The following ARB2A variants were observed in gnomAD, a reference collection of about 807,000 sequenced individuals.
ARB2A encodes the protein ARB2 cotranscriptional regulator A.
chr5:93,846,071 TTG>T, the ARB2A span, among the ~76,000 whole-genome samples: 48 of 151,678 alleles, frequency 3.2e-4, no homozygotes, highest in African/African-American at 1.1e-3. Flanking sequence ...TTAATTAGCT[TTG>T]TGACTTTGAC....
the ARB2A span, among the ~76,000 whole-genome samples, chr5:94,027,773 C>G: frequency 2.0e-5 from 3 of 152,164 alleles, no homozygotes; most frequent in African/African-American, 7.2e-5. Context: ...GTGAGCCACT[C>G]TAGCAAATTA....
chr5:93,877,641 CA>C, the ARB2A span, among the ~76,000 whole-genome samples: 2 of 151,902 alleles, frequency 1.3e-5, no homozygotes, highest in Admixed American at 1.3e-4. Flanking sequence ...AATTATTAGA[CA>C]AAAATACAAG....
chr5:93,741,500 T>C, the ARB2A span: 1 of 1,611,762 alleles, frequency 6.2e-7, no homozygotes, highest in African/African-American at 1.3e-5. Flanking sequence ...ATCGGCCCTC[T>C]GGGGCCGCCC....
At chr5:93,804,099 A>G in the ARB2A span, among the ~76,000 whole-genome samples, 1 of 152,048 alleles carries the variant, frequency 6.6e-6, no homozygotes, top group South Asian at 2.1e-4. Flanking sequence ...ATATGTACAC[A>G]GACACCATAC....
the ARB2A span, among the ~76,000 whole-genome samples, chr5:93,820,397 G>A: frequency 6.6e-6 from 1 of 152,140 alleles, no homozygotes; most frequent in South Asian, 2.1e-4. Flanking sequence ...CAATAAAAGT[G>A]ATGAAATCAC....
At chr5:93,979,600 G>T in the ARB2A span, among the ~76,000 whole-genome samples, 1,718 of 151,922 alleles carry the variant, frequency 0.011, 26 homozygotes, top group African/African-American at 0.039. Flanking sequence ...GCATAATTAG[G>T]CTTACTTTCT....
At chr5:93,693,414 TACTATAAAC>T in the ARB2A span, among the ~76,000 whole-genome samples, 10 of 152,028 alleles carry the variant, frequency 6.6e-5, no homozygotes, top group African/African-American at 2.4e-4. Flanking sequence ...CACCAGAGAA[TACTATAAAC>T]ACCTCTACAC....
the ARB2A span, among the ~76,000 whole-genome samples, chr5:93,767,154 C>T: frequency 1.1e-3 from 174 of 152,148 alleles, 1 homozygote; most frequent in Non-Finnish European, 2.1e-3. Context: ...CTAACCTGCA[C>T]GTTGTGCACA....
chr5:93,935,705 A>G, the ARB2A span, among the ~76,000 whole-genome samples: 1 of 152,226 alleles, frequency 6.6e-6, no homozygotes, highest in Non-Finnish European at 1.5e-5. Flanking sequence ...ACAAAGTACC[A>G]GTTATCTAAA....
At chr5:93,705,626 TG>T in the ARB2A span, among the ~76,000 whole-genome samples, 2 of 146,234 alleles carry the variant, frequency 1.4e-5, no homozygotes, top group Admixed American at 1.4e-4. Context: ...TGTGTGTGTG[TG>T]TGTGTGTGTG....
the ARB2A span, chr5:93,776,256 A>AGCT: frequency 6.3e-7 from 1 of 1,590,914 alleles, no homozygotes; most frequent in Non-Finnish European, 8.6e-7. Context: ...GCAATGTAAT[A>AGCT]GAGACAATAT....
At chr5:93,707,767 GT>G in the ARB2A span, among the ~76,000 whole-genome samples, 1 of 151,908 alleles carries the variant, frequency 6.6e-6, no homozygotes, top group East Asian at 1.9e-4. Context: ...TAGAGAAGGG[GT>G]TTTGCCATGT....
chr5:93,724,847 A>G, the ARB2A span, among the ~76,000 whole-genome samples: 1 of 152,108 alleles, frequency 6.6e-6, no homozygotes, highest in Non-Finnish European at 1.5e-5. Flanking sequence ...ACAATATGCC[A>G]TCATCACTAC....
the ARB2A span, among the ~76,000 whole-genome samples, chr5:93,833,113 G>T: frequency 1.3e-5 from 2 of 152,078 alleles, no homozygotes; most frequent in African/African-American, 4.8e-5. Flanking sequence ...CATTTCATTG[G>T]TTCTTCTCTA....
At chr5:93,769,542 G>A in the ARB2A span, among the ~76,000 whole-genome samples, 1 of 152,068 alleles carries the variant, frequency 6.6e-6, no homozygotes, top group Admixed American at 6.6e-5. Context: ...CATTAAGTCA[G>A]GCTGAAGAAG....
At chr5:93,876,899 CA>C in the ARB2A span, among the ~76,000 whole-genome samples, 1 of 151,870 alleles carries the variant, frequency 6.6e-6, no homozygotes, top group African/African-American at 2.4e-5. Flanking sequence ...TAAACTATTG[CA>C]AAAATTCACA....
the ARB2A span, among the ~76,000 whole-genome samples, chr5:93,765,735 T>C: frequency 6.6e-6 from 1 of 152,122 alleles, no homozygotes; most frequent in Non-Finnish European, 1.5e-5. Flanking sequence ...GCCAAGTCAA[T>C]CCTACGCCAA....
chr5:94,076,892 T>C, the ARB2A span, among the ~76,000 whole-genome samples: 1 of 152,206 alleles, frequency 6.6e-6, no homozygotes, highest in Non-Finnish European at 1.5e-5. Flanking sequence ...CATATAATTA[T>C]GTCATTGTGA....
chr5:93,743,571 A>G, the ARB2A span: 1 of 985,048 alleles, frequency 1.0e-6, no homozygotes, highest in Middle Eastern at 5.2e-4. Context: ...AGCAATCAGT[A>G]TCTGCCAAAC....
Sources: gnomAD v4.1 joint callset for allele counts (sites outside exome capture counted in the v4.1 genomes callset) on GRCh38, gnomAD v4.1.1 for gene constraint, MANE v1.5 for transcripts, NCBI Gene and HGNC (gene_info 2026-07-23, HGNC 2026-07-21) for gene names.